WDR33: variants seen among roughly 807,000 people sequenced by gnomAD.
WDR33 encodes pre-mRNA 3' end processing protein WDR33.
Under a neutral mutation model 164.9 loss-of-function variants are expected in WDR33, and 47 were observed. The ratio of observed to expected loss-of-function variants is 0.29; its 90% CI spans 0.23 to 0.36. The LOEUF (loss-of-function observed/expected upper bound fraction) is 0.36. Among genes scored for constraint, WDR33 ranks in the 10% least tolerant of loss-of-function variants. WDR33 has a pLI of 1.00. For missense variants in WDR33, 1,137 were observed against 1,754.1 expected (o/e 0.65, Z 6.28); for synonymous variants, 505 against 589.0 (o/e 0.86, Z 2.06).
Position 127,722,936 on chromosome 2 carries a change from G to GT in WDR33, c.1378+21dup. ...AAGAAAAAATTTGTAAAAATTAAAT[G>GT]TGTCTGTGTAACTTCTCTTACCCAT... On this transcript the variant is annotated intron_variant, in intron 13 of 21. Coordinates refer to ENST00000322313, the MANE Select transcript of WDR33 (RefSeq NM_018383.5). This position sits in a 1 kb window ranked among gnomAD's most constrained non-coding sequence, Gnocchi z 5.1. 1.3e-6 allele frequency: 2 copies of GT among 1,580,142 alleles called. No individual in the cohort carries two copies. The highest frequency in any genetic ancestry group is 1.7e-6 in the Non-Finnish European group (2 of 1,167,526).
chr2:127,742,442 G>A (rs772216204), intron 7 of WDR33, among the ~76,000 whole-genome samples: 13 of 149,394 alleles, frequency 8.7e-5, no homozygotes, highest in Non-Finnish European at 1.3e-4. Context: ...TGGGAGGATC[G>A]CTTCAGCCCA....
rs1273780882 is a variant in WDR33 at position 127,703,709 on chromosome 2, G to C, written c.*2614C>G. The C allele has an allele frequency of 6.0e-6, 1 of 167,010 alleles. No individual in the cohort carries two copies. The highest frequency in any genetic ancestry group is 1.9e-4 in the East Asian group (1 of 5,206). The allele number at this position is 167,010 out of a possible 1,614,324, so 10.3% of individuals were successfully genotyped here. On this transcript the variant is annotated 3_prime_UTR_variant, in exon 22 of 22. Coordinates refer to ENST00000322313, the MANE Select transcript of WDR33 (RefSeq NM_018383.5). Reference sequence around the variant, plus strand: ...TTAATTGTAAAGACTTGTGCCATTGGCTGCTCTTTCTAGTCCCCTAAATTT... The same window carrying C: ...TTAATTGTAAAGACTTGTGCCATTGCCTGCTCTTTCTAGTCCCCTAAATTT...
intron 7 of WDR33, among the ~76,000 whole-genome samples, chr2:127,746,303 A>G (rs1176354867): frequency 1.3e-5 from 2 of 152,198 alleles, no homozygotes; most frequent in African/African-American, 2.4e-5. Flanking sequence ...ATCATATTCC[A>G]ATACTAATTT....
intron 7 of WDR33, 189 bp downstream of exon 7, chr2:127,762,873 T>C: frequency 7.1e-7 from 1 of 1,404,134 alleles, no homozygotes. Context: ...AAGATAACAC[T>C]GGTAGTAAAA....
chr2:127,798,836 A>G (rs1313764509), intron 1 of WDR33: 1 of 152,162 alleles, frequency 6.6e-6, no homozygotes, highest in Non-Finnish European at 1.5e-5. Flanking sequence ...CTACTAAGTA[A>G]AATTTAAGTT....
At chr2:127,809,676 T>A (rs1342270334) in intron 1 of WDR33, among the ~76,000 whole-genome samples, 1 of 152,108 alleles carries the variant, frequency 6.6e-6, no homozygotes, top group African/African-American at 2.4e-5. Flanking sequence ...CCTCAGGTGA[T>A]CCGCCCACCC....
chr2:127,754,419 T>C (rs1191393556), intron 7 of WDR33, among the ~76,000 whole-genome samples: 1 of 151,996 alleles, frequency 6.6e-6, no homozygotes, highest in Non-Finnish European at 1.5e-5. Context: ...TCCGTTCTCT[T>C]TTCTTTTATG....
chr2:127,701,969 G>A lies in WDR33; in HGVS notation c.*4354C>T. On this transcript the variant is annotated 3_prime_UTR_variant, in exon 22 of 22. Transcript: ENST00000322313. ...AAGAAGCGCCGTCCCGGCCCGCGCT[G>A]CTCTACATGGCAGCGCTGGGCGCCA... 2 of 1,379,278 alleles carry A rather than the reference G, an allele frequency of 1.5e-6. No homozygotes were observed. Among genetic ancestry groups the A allele is most frequent in the South Asian group, 1.5e-5 (1 of 64,682 alleles). 85.4% of individuals were successfully genotyped at this position (1,379,278 alleles called of 1,614,324 possible).
In WDR33 at chr2:127,702,757, G is replaced by A; in HGVS notation, c.*3566C>T. 6.0e-6 allele frequency: 1 copy of A among 167,150 alleles called. No individual in the cohort carries two copies. 10.4% of individuals were successfully genotyped at this position (167,150 alleles called of 1,614,324 possible). A position where few individuals can be genotyped will look rare whatever the true frequency, so the allele number is the denominator to read the frequency against. On this transcript the variant is annotated 3_prime_UTR_variant, in exon 22 of 22. Coordinates refer to ENST00000322313, the MANE Select transcript of WDR33 (RefSeq NM_018383.5). ...CTTCAGTTAACAAAATCATAAATATGGTGCCTTATAACATGAAAGGAAAAT... is the reference window on the plus strand; with the variant it reads ...CTTCAGTTAACAAAATCATAAATATAGTGCCTTATAACATGAAAGGAAAAT...
intron 7 of WDR33, among the ~76,000 whole-genome samples, chr2:127,755,100 C>G (rs1219387929): frequency 6.6e-6 from 1 of 152,196 alleles, no homozygotes; most frequent in Non-Finnish European, 1.5e-5. Context: ...ATTAACCAAT[C>G]TAACAAACCC....
Position 127,720,391 on chromosome 2 carries a change from A to C in WDR33, c.1672-38T>G. The C allele has an allele frequency of 6.7e-7, 1 of 1,497,192 alleles. No individual in the cohort carries two copies. The highest frequency in any genetic ancestry group is 8.9e-7 in the Non-Finnish European group (1 of 1,125,326). 92.7% of individuals were successfully genotyped at this position (1,497,192 alleles called of 1,614,324 possible). A position where few individuals can be genotyped will look rare whatever the true frequency, so the allele number is the denominator to read the frequency against. On this transcript the variant is annotated intron_variant, in intron 15 of 21. Transcript: ENST00000322313. This position sits in a 1 kb window ranked among gnomAD's most constrained non-coding sequence, Gnocchi z 5.9. The stretch of plus-strand genomic sequence containing the variant: ...AAAGAAAAAAGCATGTTGAATAAAC[A>C]GGCCAGAGCCCTTGAAGATGACAAT...
chr2:127,791,690 T>A (rs1182543077), intron 1 of WDR33, among the ~76,000 whole-genome samples: 1 of 152,122 alleles, frequency 6.6e-6, no homozygotes, highest in Non-Finnish European at 1.5e-5. Flanking sequence ...ATCCAAAGCA[T>A]CCTGTATTAG....
intron 2 of WDR33, among the ~76,000 whole-genome samples, chr2:127,769,918 A>C (rs1045142568): frequency 1.3e-5 from 2 of 152,230 alleles, no homozygotes; most frequent in East Asian, 3.8e-4. Flanking sequence ...GGGAAACTGC[A>C]GGTAGACCCC....
At chr2:127,756,534 G>A (rs1687526912) in intron 7 of WDR33, among the ~76,000 whole-genome samples, 2 of 152,008 alleles carry the variant, frequency 1.3e-5, no homozygotes, top group Admixed American at 1.3e-4. Context: ...AACTGTATCA[G>A]CCTTTCCAAA....
At chr2:127,758,801 C>A (rs370551878) in intron 7 of WDR33, among the ~76,000 whole-genome samples, 2 of 152,182 alleles carry the variant, frequency 1.3e-5, no homozygotes, top group South Asian at 4.1e-4. Flanking sequence ...AGCTCTCCCC[C>A]CTTATTATCA....
chr2:127,752,617 A>AG (rs1687404251), intron 7 of WDR33, among the ~76,000 whole-genome samples: 1 of 151,338 alleles, frequency 6.6e-6, no homozygotes. Flanking sequence ...AAAAAAAAAA[A>AG]AAAGAAACAG....
chr2:127,750,717 T>C (rs1300342432), intron 7 of WDR33, among the ~76,000 whole-genome samples: 2 of 64,700 alleles, frequency 3.1e-5, no homozygotes, highest in South Asian at 8.3e-4. Flanking sequence ...TATATATGTA[T>C]GTATGCATAC....
At chr2:127,749,666 A>G (rs572921960) in intron 7 of WDR33, among the ~76,000 whole-genome samples, 3 of 151,624 alleles carry the variant, frequency 2.0e-5, no homozygotes, top group African/African-American at 7.2e-5. Flanking sequence ...CACCTCAAAA[A>G]AAAAAAAAAA....
chr2:127,736,683 T>C (rs1686854234), intron 7 of WDR33: 2 of 985,346 alleles, frequency 2.0e-6, no homozygotes, highest in Non-Finnish European at 1.2e-6. Flanking sequence ...ATACAACTCA[T>C]AAAATTAGTG....
Sources: gnomAD v4.1 joint callset for allele counts (sites outside exome capture counted in the v4.1 genomes callset) on GRCh38, gnomAD v4.1.1 for gene constraint, Gnocchi (gnomAD v3.1) non-coding constraint, MANE v1.5 for transcripts, NCBI Gene and HGNC (gene_info 2026-07-23, HGNC 2026-07-21) for gene names.